The following WBP1L variants were observed in gnomAD, a reference collection of about 807,000 sequenced individuals.
The protein encoded by WBP1L is WW domain binding protein 1 like.
Under a neutral mutation model 33.7 loss-of-function variants are expected in WBP1L, and 17 were observed. That is an observed-to-expected ratio of 0.50 (90% CI 0.34 to 0.76). WBP1L has a LOEUF of 0.76. Among genes scored for constraint, WBP1L ranks in the 30% least tolerant of loss-of-function variants. The probability of loss-of-function intolerance (pLI) is 0.01; values close to 1 mark genes in which losing one functional copy is unlikely to be tolerated. For missense variants in WBP1L, 389 were observed against 469.4 expected (o/e 0.83, Z 1.58); for synonymous variants, 173 against 190.8 (o/e 0.91, Z 0.77).
rs1843141814 is a variant in WBP1L, at chr10:102,768,417, C to T, written c.90+24274C>T. 2.3e-4 allele frequency among the ~76,000 whole-genome samples: 8 copies of T among 35,146 alleles called. 4 individuals carry two copies. In the South Asian group the frequency reaches 8.5e-3, roughly 37 times the overall value. 23.1% of individuals were successfully genotyped at this position (35,146 alleles called of 152,430 possible). A position where few individuals can be genotyped will look rare whatever the true frequency, so the allele number is the denominator to read the frequency against. On this transcript the variant is annotated intron_variant, in intron 1 of 3. Coordinates refer to ENST00000448841, the MANE Select transcript of WBP1L (RefSeq NM_001083913.2). ...TTTTTGAGACGGAGTCTCGCTCTGT[C>T]GCCCAGGCTGGACTGCGGACTGCAG...
intron 1 of WBP1L, among the ~76,000 whole-genome samples, chr10:102,765,123 T>A (rs1165646960): frequency 6.6e-6 from 1 of 152,226 alleles, no homozygotes; most frequent in Non-Finnish European, 1.5e-5. Flanking sequence ...CTTCATGAGC[T>A]TGGAGAACAT....
At chr10:102,760,065 G>A (rs1316132596) in intron 1 of WBP1L, among the ~76,000 whole-genome samples, 4 of 152,182 alleles carry the variant, frequency 2.6e-5, no homozygotes, top group Non-Finnish European at 5.9e-5. Flanking sequence ...GTGTGAAGTA[G>A]TTTCTCATTG....
At chr10:102,752,866 C>G (rs1842938330) in intron 1 of WBP1L, among the ~76,000 whole-genome samples, 3 of 152,186 alleles carry the variant, frequency 2.0e-5, no homozygotes, top group Admixed American at 2.0e-4. Context: ...GAGGAGAGTC[C>G]TCTTTTCAGG....
chr10:102,798,136 C>T (rs774491637), intron 2 of WBP1L, 41 bp downstream of exon 2: 1 of 1,549,268 alleles, frequency 6.5e-7, no homozygotes, highest in East Asian at 2.2e-5. Flanking sequence ...CCCAGGGTCC[C>T]AGTTACTGCC....
chr10:102,794,958 A>G (rs1398970511), intron 1 of WBP1L, among the ~76,000 whole-genome samples: 2 of 152,138 alleles, frequency 1.3e-5, no homozygotes, highest in Non-Finnish European at 2.9e-5. Context: ...GACAGTTCCC[A>G]TAACCAAGAC....
chr10:102,798,547 C>T (rs553392172), intron 2 of WBP1L, among the ~76,000 whole-genome samples: 14 of 152,272 alleles, frequency 9.2e-5, no homozygotes, highest in African/African-American at 2.4e-4. Context: ...CCCTCAGCCT[C>T]CTGAGTAGCT....
chr10:102,759,780 C>T, intron 1 of WBP1L, among the ~76,000 whole-genome samples: 1 of 152,212 alleles, frequency 6.6e-6, no homozygotes, highest in East Asian at 1.9e-4. Context: ...ATCCTCCTGC[C>T]TCAGCCTCCT....
At position 102,812,924 on chromosome 10, in the gene WBP1L, C is replaced by G; in HGVS notation, c.685C>G (p.Pro229Ala). The change falls in exon 4 of 4, where the codon CCG becomes GCG. Residue 229 changes from proline to alanine, a missense_variant. Pro to Ala is a conservative substitution (Grantham distance 27, BLOSUM62 -1). Transcript: ENST00000448841. ...GSVAGLGELD[P>A]GAFLDKDAEC... Reference sequence around the variant, plus strand: ...TGTGGCTGGCCTGGGGGAGCTGGACCCGGGGGCCTTCCTGGACAAAGATGC... The same window carrying G: ...TGTGGCTGGCCTGGGGGAGCTGGACGCGGGGGCCTTCCTGGACAAAGATGC... The G allele has an allele frequency of 6.3e-7, 1 of 1,590,076 alleles. No individual in the cohort carries two copies.
intron 2 of WBP1L, among the ~76,000 whole-genome samples, chr10:102,799,286 A>G (rs1278561134): frequency 1.3e-5 from 2 of 152,050 alleles, no homozygotes; most frequent in Non-Finnish European, 2.9e-5. Context: ...AGGTTGCGCC[A>G]CTGCACTCCA....
chr10:102,784,690 G>T (rs1207531445), intron 1 of WBP1L, among the ~76,000 whole-genome samples: 4 of 152,088 alleles, frequency 2.6e-5, no homozygotes, highest in African/African-American at 9.6e-5. Context: ...CTCCCAAAGT[G>T]CTGGGATTAC....
intron 1 of WBP1L, among the ~76,000 whole-genome samples, chr10:102,771,946 G>A (rs1044389123): frequency 1.3e-5 from 2 of 150,382 alleles, no homozygotes; most frequent in African/African-American, 4.9e-5. Flanking sequence ...GCCATAAGTA[G>A]TTGTTAATCT....
intron 1 of WBP1L, among the ~76,000 whole-genome samples, chr10:102,763,207 C>CAAA (rs36003893): frequency 0.19 from 18,085 of 93,588 alleles, 2,144 homozygotes; most frequent in East Asian, 0.42. Context: ...ACTTTTGTCT[C>CAAA]AAAAAAAAAA....
In WBP1L at chr10:102,798,246, T is replaced by C. The variant is rs576395442; in HGVS notation, c.193+151T>C. The C allele has an allele frequency of 4.7e-6, 3 of 638,806 alleles. No individual in the cohort carries two copies. In the African/African-American group the frequency reaches 5.5e-5, roughly 12 times the overall value. The allele number at this position is 638,806 out of a possible 1,614,324, so 39.6% of individuals were successfully genotyped here. On this transcript the variant is annotated intron_variant, in intron 2 of 3. Coordinates refer to ENST00000448841, the MANE Select transcript of WBP1L (RefSeq NM_001083913.2). The stretch of plus-strand genomic sequence containing the variant: ...TTTATGGGTTCCAGAAGTGCTTCCT[T>C]TGTAGAGGAAGAGAGTTCTGGTGCT...
chr10:102,772,472 G>C (rs1843202055), intron 1 of WBP1L, among the ~76,000 whole-genome samples: 2 of 149,464 alleles, frequency 1.3e-5, no homozygotes, highest in African/African-American at 5.0e-5. Context: ...TGTCGGTCAG[G>C]CTGGTCTGGA....
chr10:102,760,628 G>C (rs982920012), intron 1 of WBP1L, among the ~76,000 whole-genome samples: 3 of 151,988 alleles, frequency 2.0e-5, no homozygotes, highest in African/African-American at 7.3e-5. Context: ...GCCTGCCTCA[G>C]CCTCCAAAAG....
rs762585228 is a variant in WBP1L, at chr10:102,812,803, C to G, written c.564C>G (p.Ser188Arg). 1.9e-5 allele frequency: 31 copies of G among 1,601,170 alleles called. No homozygotes were observed. Among genetic ancestry groups the G allele is most frequent in the Non-Finnish European group, 2.3e-5 (27 of 1,173,832 alleles). Residue 188 changes from serine (S) to arginine (R), a missense_variant, in exon 4 of 4, where the codon AGC becomes AGG. Ser to Arg is a moderately radical substitution (Grantham distance 110, BLOSUM62 -1). Coordinates refer to ENST00000448841, the MANE Select transcript of WBP1L (RefSeq NM_001083913.2). ...QSSPLSEPSR[S>R]STRPPSIADP... ...GCCCCTTGTCTGAGCCCAGCAGAAG[C>G]AGCACAAGACCCCCAAGCATCGCTG...
intron 1 of WBP1L, chr10:102,746,295 T>C (rs1842863855): frequency 1.8e-5 from 6 of 342,818 alleles, no homozygotes; most frequent in Non-Finnish European, 2.5e-5. Flanking sequence ...AGGTGTCTTT[T>C]GTACTTTGTT....
At chr10:102,793,126 A>C (rs762028165) in intron 1 of WBP1L, among the ~76,000 whole-genome samples, 1 of 152,146 alleles carries the variant, frequency 6.6e-6, no homozygotes, top group Non-Finnish European at 1.5e-5. Context: ...ATAATGTGTA[A>C]TGTGCTTTGA....
rs147307574 is a variant in WBP1L at position 102,796,026 on chromosome 10, A to G, written c.91-1967A>G. ...ATATTTAGATGGTCCACAACTTGCG[A>G]TGGTTCAACTTAATGGTTTTTCAGC... On this transcript the variant is annotated intron_variant, in intron 1 of 3. Transcript: ENST00000448841. Among the ~76,000 whole-genome samples the G allele has an allele frequency of 2.2e-3, 340 of 152,292 alleles. 4 individuals carry two copies. Among genetic ancestry groups the G allele is most frequent in the African/African-American group, 7.5e-3 (310 of 41,542 alleles).
Sources: allele counts gnomAD v4.1 joint callset (sites outside exome capture counted in the v4.1 genomes callset), GRCh38; gene constraint gnomAD v4.1.1; transcripts MANE v1.5; gene names NCBI Gene and HGNC (gene_info 2026-07-23, HGNC 2026-07-21).